Variants in EDA observed in about 807,000 individuals in gnomAD.
EDA encodes the protein ectodysplasin A.
In EDA, 2 loss-of-function variants were observed where a neutral mutation model predicts 23.6. That is an observed-to-expected ratio of 0.08 (90% CI 0.03 to 0.27). EDA has a LOEUF of 0.27. Among genes scored for constraint, EDA ranks in the 10% least tolerant of loss-of-function variants. The pLI is 1.00. For missense variants in EDA, 229 were observed against 324.2 expected (o/e 0.71, Z 2.26); for synonymous variants, 131 against 132.0 (o/e 0.99, Z 0.05).
At chrX:69,846,041 A>G (rs1470591497) in intron 1 of EDA, among the ~76,000 whole-genome samples, 1 of 112,395 alleles carries the variant, frequency 8.9e-6, no homozygotes, top group African/African-American at 3.2e-5. Flanking sequence ...GTGTGAGATA[A>G]TAAATGCTTG....
rs201281972 is a variant in EDA, at chrX:70,035,634, G to A, written c.*25G>A. 1.3e-4 allele frequency: 157 copies of A among 1,200,891 alleles called. No homozygotes were observed. Among genetic ancestry groups the A allele is most frequent in the Admixed American group, 1.8e-4 (8 of 44,441 alleles). ...GATTCCCCCCATTTTGCCTCTGTCC[G>A]TGCCCCTTCCCTGGGTTTGGGAGCC... On this transcript the variant is annotated 3_prime_UTR_variant, in exon 8 of 8. Coordinates refer to ENST00000374552, the MANE Select transcript of EDA (RefSeq NM_001399.5).
chrX:69,734,131 A>T lies in EDA; in HGVS notation c.396+117427A>T, dbSNP rs185441199. On this transcript the variant is annotated intron_variant, in intron 1 of 7. Coordinates refer to ENST00000374552, the MANE Select transcript of EDA (RefSeq NM_001399.5). The stretch of plus-strand genomic sequence containing the variant: ...AGTATTTTAAAATAGATATGAGATT[A>T]TTCAGATTATCTATTTTTTTCTTCA... Among the ~76,000 whole-genome samples the T allele has an allele frequency of 1.3e-4, 15 of 111,623 alleles. No homozygotes were observed. In the East Asian group the frequency reaches 3.1e-3, roughly 23 times the overall value.
chrX:69,810,387 T>C (rs1376221199), intron 1 of EDA, among the ~76,000 whole-genome samples: 1 of 105,863 alleles, frequency 9.4e-6, no homozygotes, highest in Admixed American at 1.0e-4. Flanking sequence ...ATAAGTTTCT[T>C]CCTCCAGAGA....
chrX:69,657,898 A>G (rs1446460708), intron 1 of EDA, among the ~76,000 whole-genome samples: 1 of 111,596 alleles, frequency 9.0e-6, no homozygotes, highest in Non-Finnish European at 1.9e-5. Flanking sequence ...TAAGTCAGGT[A>G]ATGTGATGCC....
chrX:69,782,148 C>T (rs904861026), intron 1 of EDA, among the ~76,000 whole-genome samples: 1 of 109,231 alleles, frequency 9.2e-6, no homozygotes, highest in Non-Finnish European at 1.9e-5. Context: ...GAGCCAAATA[C>T]AAACTGGGGT....
rs150062335 is a variant in EDA, at chrX:70,033,743, C to A, written c.924+215C>A. 0.095 allele frequency among the ~76,000 whole-genome samples: 10,470 copies of A among 110,396 alleles called. 464 individuals are homozygous for A. The highest frequency in any genetic ancestry group is 0.16 in the Middle Eastern group (34 of 218). ...TTGTTTTGTTTTGTTTTTCCTTAGC[C>A]AAATATTATTGAAAAACTGTGAAAA... On this transcript the variant is annotated intron_variant, in intron 7 of 7. Coordinates refer to ENST00000374552, the MANE Select transcript of EDA (RefSeq NM_001399.5).
chrX:69,949,571 A>C (rs55879809), intron 1 of EDA, among the ~76,000 whole-genome samples: 35,475 of 110,695 alleles, frequency 0.32, 4,532 homozygotes, highest in Middle Eastern at 0.5. Context: ...TCTCATTCTT[A>C]GGATCCTTTT....
At chrX:69,664,011 G>A (rs1053035692) in intron 1 of EDA, among the ~76,000 whole-genome samples, 3 of 112,344 alleles carry the variant, frequency 2.7e-5, no homozygotes, top group Admixed American at 9.4e-5. Flanking sequence ...TAACTAACTT[G>A]CTTTTGATTT....
intron 1 of EDA, among the ~76,000 whole-genome samples, chrX:69,840,795 C>A (rs146275747): frequency 0.01 from 1,167 of 111,868 alleles, 16 homozygotes; most frequent in Non-Finnish European, 8.1e-3. Context: ...CTCTCTGCTT[C>A]CAAAATGGTG....
intron 1 of EDA, among the ~76,000 whole-genome samples, chrX:69,911,497 A>G (rs1217516847): frequency 8.9e-6 from 1 of 112,036 alleles, no homozygotes; most frequent in East Asian, 2.8e-4. Context: ...CATGTGTTCC[A>G]TCTGTATGCT....
chrX:69,646,345 C>A (rs1203634768), intron 1 of EDA, among the ~76,000 whole-genome samples: 1 of 111,370 alleles, frequency 9.0e-6, no homozygotes, highest in Non-Finnish European at 1.9e-5. Flanking sequence ...AAGAATTTGC[C>A]TTATGAATCT....
chrX:69,751,840 A>AATTCTGTTATAACAGAACAGAATCCT (rs2013887452), intron 1 of EDA, among the ~76,000 whole-genome samples: 1 of 99,207 alleles, frequency 1.0e-5, no homozygotes, highest in Non-Finnish European at 2.1e-5. Flanking sequence ...CTGTTATAGG[A>AATTCTGTTATAACAGAACAGAATCCT]ATTCTGTTAT....
At chrX:69,975,962 T>C (rs1279947930) in intron 2 of EDA, among the ~76,000 whole-genome samples, 4 of 112,114 alleles carry the variant, frequency 3.6e-5, no homozygotes, top group Non-Finnish European at 7.5e-5. Flanking sequence ...AAACGTGTCA[T>C]GGTGGTATAA....
rs73224484 is a variant in EDA at position 69,770,009 on chromosome X, G to A, written c.396+153305G>A. ...AGATTATTTTACAAAAGGAATCATAGCGTATGTATGTCCTTTTGAGATTCG... is the reference window on the plus strand; with the variant it reads ...AGATTATTTTACAAAAGGAATCATAACGTATGTATGTCCTTTTGAGATTCG... On this transcript the variant is annotated intron_variant, in intron 1 of 7. Transcript: ENST00000374552. Among the ~76,000 whole-genome samples, 956 of 111,532 alleles carry A rather than the reference G, an allele frequency of 8.6e-3. 5 individuals are homozygous for A. Among genetic ancestry groups the A allele is most frequent in the Non-Finnish European group, 0.014 (750 of 53,043 alleles).
chrX:69,798,621 A>T (rs2015601635), intron 1 of EDA, among the ~76,000 whole-genome samples: 2 of 111,541 alleles, frequency 1.8e-5, no homozygotes, highest in South Asian at 3.8e-4. Flanking sequence ...GAAGAAAATG[A>T]AAACGGAAAC....
chrX:69,674,508 A>G (rs1457625550), intron 1 of EDA, among the ~76,000 whole-genome samples: 2 of 112,268 alleles, frequency 1.8e-5, no homozygotes, highest in African/African-American at 6.5e-5. Flanking sequence ...ATCATTTACT[A>G]TTACCAACAA....
intron 1 of EDA, among the ~76,000 whole-genome samples, chrX:69,916,161 G>A (rs994178242): frequency 1.3e-4 from 15 of 111,316 alleles, no homozygotes; most frequent in Non-Finnish European, 2.3e-4. Flanking sequence ...ACTGGTATGA[G>A]AATTAAATGA....
chrX:69,751,697 T>G (rs2013876698), intron 1 of EDA, among the ~76,000 whole-genome samples: 2 of 111,882 alleles, frequency 1.8e-5, no homozygotes, highest in Non-Finnish European at 3.8e-5. Context: ...CCTCTTTTAT[T>G]TCGTTAAGCA....
chrX:70,002,684 C>A (rs758609220), intron 2 of EDA, among the ~76,000 whole-genome samples: 1 of 112,330 alleles, frequency 8.9e-6, no homozygotes, highest in Non-Finnish European at 1.9e-5. Context: ...AGCTGTGTGA[C>A]CCTTGAAAAG....
Sources: allele counts gnomAD v4.1 joint callset (sites outside exome capture counted in the v4.1 genomes callset), GRCh38; gene constraint gnomAD v4.1.1; transcripts MANE v1.5; gene names NCBI Gene and HGNC (gene_info 2026-07-23, HGNC 2026-07-21).